The following CDC42EP3 variants were observed in gnomAD, a reference collection of about 807,000 sequenced individuals.
CDC42EP3 encodes the protein CDC42 effector protein (Rho GTPase binding) 3.
A neutral mutation model predicts 15.5 loss-of-function variants in CDC42EP3; 4 were observed. The ratio of observed to expected loss-of-function variants is 0.26; its 90% CI spans 0.13 to 0.59. The LOEUF (loss-of-function observed/expected upper bound fraction) is 0.59. CDC42EP3 is among the 20% of genes least tolerant of loss of function. CDC42EP3 has a pLI of 0.89. For synonymous variants in CDC42EP3, 145 were observed against 130.3 expected, an observed-to-expected ratio of 1.11 and a Z score of -0.77; for missense variants, 309 against 311.2, an observed-to-expected ratio of 0.99 and a Z score of 0.05.
rs984912707 is a variant in CDC42EP3 at position 37,643,975 on chromosome 2, T to A, written c.*1848A>T. 6.1e-5 allele frequency: 4 copies of A among 65,406 alleles called. No homozygotes were observed. Among genetic ancestry groups the A allele is most frequent in the African/African-American group, 1.2e-4 (1 of 8,358 alleles). The allele number at this position is 65,406 out of a possible 1,614,324, so 4.1% of individuals were successfully genotyped here. A position where few individuals can be genotyped will look rare whatever the true frequency, so the allele number is the denominator to read the frequency against. ...AAACTTTCTTAAAACAGTCTGAGATTTTTTTTTTTTTTTTTTTTTGCAATT... is the reference window on the plus strand; with the variant it reads ...AAACTTTCTTAAAACAGTCTGAGATATTTTTTTTTTTTTTTTTTTGCAATT... On this transcript the variant is annotated 3_prime_UTR_variant, in exon 2 of 2. Coordinates refer to ENST00000295324, the MANE Select transcript of CDC42EP3 (RefSeq NM_006449.5).
chr2:37,669,063 G>A (rs2124640315), intron 1 of CDC42EP3, among the ~76,000 whole-genome samples: 1 of 152,096 alleles, frequency 6.6e-6, no homozygotes, highest in East Asian at 1.9e-4. Context: ...AAATGAGACT[G>A]GGCCTAGATA....
intron 1 of CDC42EP3, among the ~76,000 whole-genome samples, chr2:37,661,376 C>T (rs1251930863): frequency 1.3e-5 from 2 of 152,064 alleles, no homozygotes; most frequent in East Asian, 3.8e-4. Flanking sequence ...TTTAGCCAAG[C>T]CTTAAAGGGA....
At chr2:37,672,210 G>GTT, upstream of CDC42EP3, 1 of 152,054 alleles carries the variant, frequency 6.6e-6, no homozygotes, top group Non-Finnish European at 1.5e-5. Context: ...GAGGGGGAGG[G>GTT]TCGCGTTCTG....
In CDC42EP3 at chr2:37,646,314, C is replaced by A. The variant is rs759011675; in HGVS notation, c.274G>T (p.Asp92Tyr). The part of the protein sequence containing the change: ...NEFFRANSTS[D>Y]SVFTETPSPV... Reference sequence around the variant, plus strand: ...GAGGGCGTTTCTGTGAACACAGAGTCCGAGGTGCTGTTGGCCCGGAAGAAC... The same window carrying A: ...GAGGGCGTTTCTGTGAACACAGAGTACGAGGTGCTGTTGGCCCGGAAGAAC... Residue 92 changes from aspartate (D) to tyrosine (Y), a missense_variant, in exon 2 of 2, where the codon GAC becomes TAC. Transcript: ENST00000295324. 9.9e-6 allele frequency: 16 copies of A among 1,614,148 alleles called. No homozygotes were observed. Among genetic ancestry groups the A allele is most frequent in the Non-Finnish European group, 1.3e-5 (15 of 1,180,016 alleles).
At chr2:37,649,364 A>G (rs902466554) in intron 1 of CDC42EP3, among the ~76,000 whole-genome samples, 4 of 134,496 alleles carry the variant, frequency 3.0e-5, no homozygotes, top group African/African-American at 8.1e-5. Flanking sequence ...CTGAGGTGGG[A>G]GGACTGGTTG....
intron 1 of CDC42EP3, among the ~76,000 whole-genome samples, chr2:37,649,077 A>T (rs755332970): frequency 1.9e-3 from 188 of 101,476 alleles, no homozygotes; most frequent in Middle Eastern, 4.8e-3. Context: ...CCAATTATTT[A>T]AAAAAAAAAA....
intron 1 of CDC42EP3, among the ~76,000 whole-genome samples, chr2:37,669,659 A>G (rs1429254943): frequency 1.3e-5 from 2 of 152,172 alleles, no homozygotes; most frequent in East Asian, 3.8e-4. Flanking sequence ...CATCATGTAA[A>G]TCTCTAGCAG....
chr2:37,643,269 G>A lies in CDC42EP3; in HGVS notation c.*2554C>T, dbSNP rs1665327397. 2.0e-5 allele frequency: 3 copies of A among 152,356 alleles called. No individual in the cohort carries two copies. In the South Asian group the frequency reaches 6.2e-4, roughly 32 times the overall value. The allele number at this position is 152,356 out of a possible 1,614,324, so 9.4% of individuals were successfully genotyped here. A position where few individuals can be genotyped will look rare whatever the true frequency, so the allele number is the denominator to read the frequency against. On this transcript the variant is annotated 3_prime_UTR_variant, in exon 2 of 2. Coordinates refer to ENST00000295324, the MANE Select transcript of CDC42EP3 (RefSeq NM_006449.5). ...GTCTAAAGTGCCTCTCTGCAGGAAA[G>A]AAAGCCACCACCAGCAGTCCACCTG...
In CDC42EP3 at chr2:37,667,609, C is replaced by T. The variant is rs144677165; in HGVS notation, c.-236+3817G>A. Among the ~76,000 whole-genome samples the T allele has an allele frequency of 4.5e-3, 692 of 152,284 alleles. 4 individuals are homozygous for T. The highest frequency in any genetic ancestry group is 5.9e-3 in the Non-Finnish European group (399 of 68,030). The stretch of plus-strand genomic sequence containing the variant: ...TATGTTAACCCTAGCAGTGTTCATG[C>T]TAGATCCACTTTCATGCCACATATG... On this transcript the variant is annotated intron_variant, in intron 1 of 1. Coordinates refer to ENST00000295324, the MANE Select transcript of CDC42EP3 (RefSeq NM_006449.5).
chr2:37,661,128 TGC>T (rs1553317619), intron 1 of CDC42EP3, among the ~76,000 whole-genome samples: 2 of 147,904 alleles, frequency 1.4e-5, no homozygotes, highest in African/African-American at 2.5e-5. Flanking sequence ...TGTGTGTGTG[TGC>T]GTGTGTGTAT....
intron 1 of CDC42EP3, among the ~76,000 whole-genome samples, chr2:37,668,435 C>A (rs1666310567): frequency 6.6e-6 from 1 of 152,148 alleles, no homozygotes; most frequent in South Asian, 2.1e-4. Context: ...AATATTATCT[C>A]CATTTTACAA....
chr2:37,670,641 C>A (rs1031942457), intron 1 of CDC42EP3, among the ~76,000 whole-genome samples: 1 of 152,134 alleles, frequency 6.6e-6, no homozygotes, highest in Non-Finnish European at 1.5e-5. Context: ...AGTAATGTAA[C>A]ATTCAAGTGC....
rs576901344 is a variant in CDC42EP3, at chr2:37,666,675, T to A, written c.-236+4751A>T. Among the ~76,000 whole-genome samples the A allele has an allele frequency of 2.6e-5, 4 of 152,354 alleles. No individual in the cohort carries two copies. The South Asian group carries it at 8.3e-4, about 32-fold the overall frequency. On this transcript the variant is annotated intron_variant, in intron 1 of 1. Coordinates refer to ENST00000295324, the MANE Select transcript of CDC42EP3 (RefSeq NM_006449.5). ...TATTTAGAAATAGTAATCTTTTAAA[T>A]CTCAGCATCATGCTTTGTATTATAA...
rs933534016 is a variant in CDC42EP3, at chr2:37,645,272, T to TAATA, written c.*547_*550dup. 2.6e-5 allele frequency: 4 copies of TAATA among 152,760 alleles called. No individual in the cohort carries two copies. Among genetic ancestry groups the TAATA allele is most frequent in the Non-Finnish European group, 4.4e-5 (3 of 68,040 alleles). The allele number at this position is 152,760 out of a possible 1,614,324, so 9.5% of individuals were successfully genotyped here. On this transcript the variant is annotated 3_prime_UTR_variant, in exon 2 of 2. Transcript: ENST00000295324. Reference sequence around the variant, plus strand: ...CAGTCAAAATTTTGCAATATAGATATAATATATAGGGATATATAAGAACTA... The same window carrying TAATA: ...CAGTCAAAATTTTGCAATATAGATATAATAAATATATAGGGATATATAAGAACTA...
At position 37,643,900 on chromosome 2, in the gene CDC42EP3, G is replaced by A. The variant is rs145544118; in HGVS notation, c.*1923C>T. 7.4e-4 allele frequency: 113 copies of A among 151,920 alleles called. No homozygotes were observed. Among genetic ancestry groups the A allele is most frequent in the African/African-American group, 2.4e-3 (99 of 41,434 alleles). 9.4% of individuals were successfully genotyped at this position (151,920 alleles called of 1,614,324 possible). ...GTTACGGAAAGCACACAATGCCCTAGGGCAAGCTTGTCCAACCTGTGGCCC... is the reference window on the plus strand; with the variant it reads ...GTTACGGAAAGCACACAATGCCCTAAGGCAAGCTTGTCCAACCTGTGGCCC... On this transcript the variant is annotated 3_prime_UTR_variant, in exon 2 of 2. Coordinates refer to ENST00000295324, the MANE Select transcript of CDC42EP3 (RefSeq NM_006449.5).
intron 1 of CDC42EP3, among the ~76,000 whole-genome samples, chr2:37,650,613 G>A (rs1307587130): frequency 6.6e-6 from 1 of 152,198 alleles, no homozygotes; most frequent in Non-Finnish European, 1.5e-5. Flanking sequence ...CAGCCACTCT[G>A]CCAAGGCTGC....
intron 1 of CDC42EP3, among the ~76,000 whole-genome samples, chr2:37,667,621 T>C (rs915238162): frequency 7.9e-5 from 12 of 152,242 alleles, no homozygotes; most frequent in Non-Finnish European, 1.5e-4. Context: ...AGATCCACTT[T>C]CATGCCACAT....
chr2:37,654,531 A>C (rs990691571), intron 1 of CDC42EP3, among the ~76,000 whole-genome samples: 14 of 152,094 alleles, frequency 9.2e-5, no homozygotes, highest in African/African-American at 3.4e-4. Context: ...CAAAAGATGG[A>C]ATGGGCTGGG....
At chr2:37,661,092 T>C (rs906392877) in intron 1 of CDC42EP3, among the ~76,000 whole-genome samples, 1 of 146,898 alleles carries the variant, frequency 6.8e-6, no homozygotes, top group Admixed American at 6.9e-5. Flanking sequence ...ATGTATACTA[T>C]ATATAGTGTG....
Sources: gnomAD v4.1 joint callset for allele counts (sites outside exome capture counted in the v4.1 genomes callset) on GRCh38, gnomAD v4.1.1 for gene constraint, MANE v1.5 for transcripts, NCBI Gene and HGNC (gene_info 2026-07-23, HGNC 2026-07-21) for gene names.